The following SH3BP4 variants were observed in gnomAD, a reference collection of about 807,000 sequenced individuals.
SH3BP4 encodes SH3 domain-binding protein 4.
Under a neutral mutation model 65.5 loss-of-function variants are expected in SH3BP4, and 33 were observed. The ratio of observed to expected loss-of-function variants is 0.50; its 90% CI spans 0.38 to 0.67. The LOEUF is 0.67. SH3BP4 is among the 30% of genes least tolerant of loss of function. The probability of loss-of-function intolerance (pLI) is 0.00; values close to 1 mark genes in which losing one functional copy is unlikely to be tolerated. For missense variants in SH3BP4, 1,134 were observed against 1,261.4 expected, an observed-to-expected ratio of 0.90 and a Z score of 1.53; for synonymous variants, 552 against 545.5, an observed-to-expected ratio of 1.01 and a Z score of -0.17.
At chr2:234,979,639 A>C (rs1693297007) in intron 1 of SH3BP4, 2 of 152,306 alleles carry the variant, frequency 1.3e-5, no homozygotes, top group Admixed American at 1.3e-4. Context: ...ATGTGGGCTT[A>C]GAACTTCTTC....
At chr2:235,044,016 A>G (rs1695764114) in intron 4 of SH3BP4, among the ~76,000 whole-genome samples, 1 of 152,240 alleles carries the variant, frequency 6.6e-6, no homozygotes, top group Non-Finnish European at 1.5e-5. Context: ...CTCGCCATTC[A>G]GTTTAGATCT....
chr2:234,983,883 C>T (rs1006396512), intron 1 of SH3BP4, among the ~76,000 whole-genome samples: 2 of 152,238 alleles, frequency 1.3e-5, no homozygotes, highest in African/African-American at 2.4e-5. Flanking sequence ...CTGGCCCTGT[C>T]GTCAGCCCAG....
At chr2:234,980,753 T>C (rs1479074194) in intron 1 of SH3BP4, among the ~76,000 whole-genome samples, 1 of 152,162 alleles carries the variant, frequency 6.6e-6, no homozygotes, top group African/African-American at 2.4e-5. Context: ...GGGGATGGTC[T>C]GATGGGTGTG....
chr2:235,019,753 A>G (rs974020396), intron 2 of SH3BP4, among the ~76,000 whole-genome samples: 5 of 145,636 alleles, frequency 3.4e-5, no homozygotes, highest in African/African-American at 1.3e-4. Context: ...GGTGAGTTCT[A>G]TTGTCACCAC....
At position 235,041,692 on chromosome 2, in the gene SH3BP4, G is replaced by C. The variant is rs1365950929; in HGVS notation, c.923G>C (p.Gly308Ala). Residue 308 changes from glycine (G) to alanine (A), a missense_variant, in exon 4 of 6, where the codon GGT (glycine) becomes GCT (alanine). By Grantham distance (60) the Gly-to-Ala change is moderately conservative. Transcript: ENST00000392011. This position sits in a 1 kb window ranked among gnomAD's most constrained non-coding sequence, Gnocchi z 6.0. ...CTGGACTTGCTTGGCCAAAGCCCTG[G>C]TTGGGGCCAGACCCAAGCCGTGGAG... is the stretch of plus-strand genomic sequence containing the variant. ...HDLDLLGQSPGWGQTQAVETN... is the reference protein window; with the variant it reads ...HDLDLLGQSPAWGQTQAVETN... 1.1e-5 allele frequency: 17 copies of C among 1,613,124 alleles called. No homozygotes were observed. The highest frequency in any genetic ancestry group is 1.4e-5 in the Non-Finnish European group (16 of 1,179,514).
intron 1 of SH3BP4, chr2:234,983,385 T>C (rs1203348557): frequency 1.3e-5 from 2 of 152,214 alleles, no homozygotes. Flanking sequence ...ACAAAGTCCT[T>C]GCATTCATGG....
Position 235,052,736 on chromosome 2 carries a change from G to T in SH3BP4, c.2653G>T (p.Val885Phe). 1 of 1,597,964 alleles carries T rather than the reference G, an allele frequency of 6.3e-7. No individual in the cohort carries two copies. Among genetic ancestry groups the T allele is most frequent in the African/African-American group, 1.3e-5 (1 of 74,728 alleles). The change falls in exon 5 of 6, where the codon GTT becomes TTT. Residue 885 changes from valine to phenylalanine, a missense_variant. Physicochemically the swap from Val to Phe is conservative, Grantham distance 50. Coordinates refer to ENST00000392011, the MANE Select transcript of SH3BP4 (RefSeq NM_014521.3). This position sits in a 1 kb window ranked among gnomAD's most constrained non-coding sequence, Gnocchi z 5.0. ...GTCTCCCCACCGGGACAGGAACGGG[G>T]TTGTGGACAGCGAGGTGAGCAGCGG... ...YESPHRDRNG[V>F]VDSEAMWKPA...
Position 235,030,189 on chromosome 2 carries a change from A to G in SH3BP4, c.-132-4682A>G, listed in dbSNP as rs930745449. Reference sequence around the variant, plus strand: ...GCAGCAGCATGGCTTTGAGAAAATCAAGGGCTCACCAGAGGTGGATGGTGA... The same window carrying G: ...GCAGCAGCATGGCTTTGAGAAAATCGAGGGCTCACCAGAGGTGGATGGTGA... On this transcript the variant is annotated intron_variant, in intron 2 of 5. Coordinates refer to ENST00000392011, the MANE Select transcript of SH3BP4 (RefSeq NM_014521.3). The surrounding 1 kb of genome is among the most constrained non-coding windows in gnomAD (Gnocchi z 4.1). 6.6e-6 allele frequency among the ~76,000 whole-genome samples: 1 copy of G among 152,138 alleles called. No individual in the cohort carries two copies. Among genetic ancestry groups the G allele is most frequent in the African/African-American group, 2.4e-5 (1 of 41,432 alleles).
rs567028898 is a variant in SH3BP4 at position 235,046,348 on chromosome 2, C to T, written c.2478+3101C>T. On this transcript the variant is annotated intron_variant, in intron 4 of 5. Transcript: ENST00000392011. The surrounding 1 kb of genome is among the most constrained non-coding windows in gnomAD (Gnocchi z 4.2). ...CTTTGGGAGGCTGAGACAGGAGAAT[C>T]GCTTGAGCCCGGGAATTCAAGACCA... 9.6e-4 allele frequency among the ~76,000 whole-genome samples: 146 copies of T among 152,186 alleles called. 1 individual carries two copies. Among genetic ancestry groups the T allele is most frequent in the African/African-American group, 3.5e-3 (144 of 41,522 alleles).
intron 2 of SH3BP4, among the ~76,000 whole-genome samples, chr2:234,998,651 C>T (rs991503572): frequency 2.0e-5 from 3 of 152,254 alleles, no homozygotes; most frequent in Admixed American, 2.0e-4. Context: ...CACCGCCTCT[C>T]TCTCGTTTCA....
At chr2:234,980,671 C>T (rs186930256) in intron 1 of SH3BP4, among the ~76,000 whole-genome samples, 8 of 152,324 alleles carry the variant, frequency 5.3e-5, no homozygotes, top group Admixed American at 3.9e-4. Context: ...CTTCCCACAG[C>T]AGCCTTCAGG....
chr2:235,003,031 T>C (rs1340951619), intron 2 of SH3BP4, among the ~76,000 whole-genome samples: 2 of 152,264 alleles, frequency 1.3e-5, no homozygotes, highest in Non-Finnish European at 2.9e-5. Context: ...GGCATAGATG[T>C]GTGCCAGGAG....
chr2:234,978,443 C>T lies in SH3BP4; in HGVS notation c.-206-16860C>T, dbSNP rs569733146. On this transcript the variant is annotated intron_variant, in intron 1 of 5. Coordinates refer to ENST00000392011, the MANE Select transcript of SH3BP4 (RefSeq NM_014521.3). This position sits in a 1 kb window ranked among gnomAD's most constrained non-coding sequence, Gnocchi z 4.1. Reference sequence around the variant, plus strand: ...TGCGGGACCAGGTACTCTTTTCCTGCGCCCCACACTGCCCCAAGGCCCCAC... The same window carrying T: ...TGCGGGACCAGGTACTCTTTTCCTGTGCCCCACACTGCCCCAAGGCCCCAC... Among the ~76,000 whole-genome samples the T allele has an allele frequency of 3.1e-4, 47 of 152,328 alleles. 1 individual carries two copies. The highest frequency in any genetic ancestry group is 1.1e-3 in the African/African-American group (44 of 41,570).
At chr2:235,000,085 G>C (rs1420054184) in intron 2 of SH3BP4, among the ~76,000 whole-genome samples, 1 of 152,228 alleles carries the variant, frequency 6.6e-6, no homozygotes, top group African/African-American at 2.4e-5. Context: ...AGGCCACAGG[G>C]GTTTCCAGGC....
Position 235,041,469 on chromosome 2 carries a change from C to T in SH3BP4, c.700C>T (p.Arg234Trp), listed in dbSNP as rs137886744. The T allele has an allele frequency of 1.2e-5, 19 of 1,614,086 alleles. No individual in the cohort carries two copies. The highest frequency in any genetic ancestry group is 8.0e-5 in the African/African-American group (6 of 74,934). The change falls in exon 4 of 6, where the codon CGG becomes TGG. Residue 234 changes from arginine (R) to tryptophan (W), a missense_variant. By Grantham distance (101) the Arg-to-Trp change is moderately radical. Coordinates refer to ENST00000392011, the MANE Select transcript of SH3BP4 (RefSeq NM_014521.3). This position sits in a 1 kb window ranked among gnomAD's most constrained non-coding sequence, Gnocchi z 6.0. ...ACTCCACGCAGAGCCGCCGGTCAGG[C>T]GGGACAACCCCTTCTTCAGAAGCAA... ...NGLHAEPPVRRDNPFFRSKRS... is the reference protein window; with the variant it reads ...NGLHAEPPVRWDNPFFRSKRS...
intron 2 of SH3BP4, among the ~76,000 whole-genome samples, chr2:235,017,463 A>G (rs1420582127): frequency 1.3e-5 from 2 of 149,664 alleles, no homozygotes; most frequent in Non-Finnish European, 3.0e-5. Flanking sequence ...AAAAAAAAAA[A>G]GAAATCCTTT....
At chr2:234,956,731 T>A (rs531010260) in intron 1 of SH3BP4, among the ~76,000 whole-genome samples, 33 of 151,834 alleles carry the variant, frequency 2.2e-4, no homozygotes, top group South Asian at 8.4e-4. Context: ...TTTTTTTTTT[T>A]AAATTCTTGT....
intron 1 of SH3BP4, among the ~76,000 whole-genome samples, chr2:234,961,995 G>A (rs916929307): frequency 6.6e-6 from 1 of 152,102 alleles, no homozygotes; most frequent in African/African-American, 2.4e-5. Context: ...AGTGCCGGAG[G>A]CCCCTGTGCC....
chr2:235,050,778 G>A (rs961225185), intron 4 of SH3BP4, among the ~76,000 whole-genome samples: 3 of 152,078 alleles, frequency 2.0e-5, no homozygotes, highest in African/African-American at 7.2e-5. Flanking sequence ...CTAGCAAGAC[G>A]ACCCTGCTAT....
Sources: gnomAD v4.1 joint callset for allele counts (sites outside exome capture counted in the v4.1 genomes callset) on GRCh38, gnomAD v4.1.1 for gene constraint, Gnocchi (gnomAD v3.1) non-coding constraint, MANE v1.5 for transcripts, NCBI Gene and HGNC (gene_info 2026-07-23, HGNC 2026-07-21) for gene names.